ERLEC1: variants seen among roughly 807,000 people sequenced by gnomAD.
ERLEC1 encodes the protein ER lectin.
Under a neutral mutation model 68.0 loss-of-function variants are expected in ERLEC1, and 47 were observed. The observed-to-expected ratio is 0.69, with a 90% CI of 0.55 to 0.88. The LOEUF (loss-of-function observed/expected upper bound fraction) is 0.88, where lower values mean the gene tolerates loss of function less well. Ranked by LOEUF, ERLEC1 falls within the 40% of genes least tolerant of loss-of-function variation. The pLI, the probability that ERLEC1 is intolerant of heterozygous loss-of-function variation, is 0.00. For missense variants in ERLEC1, 567 were observed against 583.8 expected, an observed-to-expected ratio of 0.97 and a Z score of 0.30; for synonymous variants, 225 against 203.2, an observed-to-expected ratio of 1.11 and a Z score of -0.91.
chr2:53,794,291 A>G, intron 1 of ERLEC1, 54 bp from the exon 2 acceptor site: 1 of 715,788 alleles, frequency 1.4e-6, no homozygotes, highest in Non-Finnish European at 2.3e-6. Context: ...AAAGTTATTC[A>G]GTGTGATACA....
chr2:53,788,563 A>ATT (rs763375369), intron 1 of ERLEC1: 7 of 141,642 alleles, frequency 4.9e-5, no homozygotes, highest in African/African-American at 7.8e-5. Context: ...CTCCTGGCTA[A>ATT]TTTTTTTTTT....
chr2:53,812,128 G>A (rs908880376), intron 10 of ERLEC1, among the ~76,000 whole-genome samples: 43 of 152,014 alleles, frequency 2.8e-4, no homozygotes, highest in African/African-American at 9.9e-4. Context: ...TGGTCAGGCC[G>A]GTCTCGAACT....
At chr2:53,795,324 A>G (rs1364495991) in intron 2 of ERLEC1, among the ~76,000 whole-genome samples, 1 of 152,206 alleles carries the variant, frequency 6.6e-6, no homozygotes, top group Non-Finnish European at 1.5e-5. Flanking sequence ...TCCACTCAAT[A>G]AATTTATTAA....
intron 4 of ERLEC1, 47 bp downstream of exon 4, chr2:53,797,639 A>G: frequency 6.4e-7 from 1 of 1,573,244 alleles, no homozygotes; most frequent in African/African-American, 1.4e-5. Flanking sequence ...TAAGATGAGA[A>G]CTTTAATAAT....
intron 6 of ERLEC1, among the ~76,000 whole-genome samples, chr2:53,799,789 C>G (rs532167889): frequency 2.6e-4 from 40 of 152,084 alleles, no homozygotes; most frequent in African/African-American, 8.7e-4. Flanking sequence ...ATGCCTATAA[C>G]TTTAAAGGGT....
At chr2:53,801,178 T>C (rs1287934670) in intron 6 of ERLEC1, among the ~76,000 whole-genome samples, 1 of 152,218 alleles carries the variant, frequency 6.6e-6, no homozygotes, top group Admixed American at 6.5e-5. Flanking sequence ...AAATAATCTT[T>C]TTGCTGTATT....
At chr2:53,796,110 GT>G (rs72502136) in intron 3 of ERLEC1, 97 bp downstream of exon 3, 273,161 of 627,986 alleles carry the variant, frequency 0.43, 46,594 homozygotes, top group African/African-American at 0.54. Flanking sequence ...GTTGTGTCAG[GT>G]TTTTTTTTTT....
intron 10 of ERLEC1, among the ~76,000 whole-genome samples, chr2:53,809,590 A>G (rs1195411388): frequency 2.0e-5 from 3 of 152,174 alleles, no homozygotes; most frequent in African/African-American, 7.2e-5. Flanking sequence ...TCCTTAAATT[A>G]AGAAAATGAA....
At chr2:53,790,026 A>AG (rs1675301931) in intron 1 of ERLEC1, among the ~76,000 whole-genome samples, 1 of 151,406 alleles carries the variant, frequency 6.6e-6, no homozygotes, top group Admixed American at 6.6e-5. Flanking sequence ...AAAAAAAAAA[A>AG]AAAAAGAAAA....
intron 1 of ERLEC1, among the ~76,000 whole-genome samples, chr2:53,790,078 T>G (rs1240731467): frequency 6.6e-6 from 1 of 151,976 alleles, no homozygotes; most frequent in East Asian, 1.9e-4. Context: ...CTGCCATTTT[T>G]TTTAATGGGC....
At chr2:53,811,450 C>T (rs1676586679) in intron 10 of ERLEC1, among the ~76,000 whole-genome samples, 2 of 152,268 alleles carry the variant, frequency 1.3e-5, no homozygotes, top group South Asian at 2.1e-4. Flanking sequence ...TATACACTTG[C>T]CAACACTAGG....
At chr2:53,802,407 A>T (rs1676055341) in intron 8 of ERLEC1, among the ~76,000 whole-genome samples, 1 of 152,022 alleles carries the variant, frequency 6.6e-6, no homozygotes, top group African/African-American at 2.4e-5. Context: ...CTCTTCATTT[A>T]TCTCTAACTC....
chr2:53,812,861 C>G (rs529979144), intron 10 of ERLEC1, 88 bp from the exon 11 acceptor site: 4 of 1,391,930 alleles, frequency 2.9e-6, no homozygotes, highest in South Asian at 2.7e-5. Flanking sequence ...CAGATAAAGA[C>G]TAGCTTACAA....
chr2:53,787,123 C>G lies in ERLEC1; in HGVS notation c.-88C>G. 952 of 935,724 alleles carry G rather than the reference C, an allele frequency of 1.0e-3. No homozygotes were observed. The highest frequency in any genetic ancestry group is 1.8e-3 in the Middle Eastern group (4 of 2,260). 58.0% of individuals were successfully genotyped at this position (935,724 alleles called of 1,614,324 possible). A position where few individuals can be genotyped will look rare whatever the true frequency, so the allele number is the denominator to read the frequency against. On this transcript the variant is annotated 5_prime_UTR_variant, in exon 1 of 14. Coordinates refer to ENST00000185150, the MANE Select transcript of ERLEC1 (RefSeq NM_015701.5). ...GATACCCGGGCGCTTTATAGTCCCG[C>G]CGCCTCCTCCTCCACCTCCTCCTCC...
At chr2:53,799,001 A>T (rs1196295781) in intron 5 of ERLEC1, 46 bp from the exon 6 acceptor site, 1 of 1,580,616 alleles carries the variant, frequency 6.3e-7, no homozygotes, top group Non-Finnish European at 8.7e-7. Flanking sequence ...CATTTGTACC[A>T]CATATGTCAC....
At chr2:53,793,713 A>G (rs894289856) in intron 1 of ERLEC1, among the ~76,000 whole-genome samples, 3 of 151,896 alleles carry the variant, frequency 2.0e-5, no homozygotes, top group Admixed American at 6.6e-5. Flanking sequence ...TCCCAAGTAT[A>G]ATCACTATTT....
intron 8 of ERLEC1, among the ~76,000 whole-genome samples, chr2:53,804,334 C>A (rs915814723): frequency 6.6e-6 from 1 of 152,012 alleles, no homozygotes; most frequent in African/African-American, 2.4e-5. Flanking sequence ...CTCACTGTGG[C>A]GCAATCTTGG....
chr2:53,801,462 A>T lies in ERLEC1; in HGVS notation c.591A>T (p.Thr197=), dbSNP rs1259893319. ...ATCCTGTGGGAATGGGAAATGGTAC[A>T]CCTTGTAGTTTGAAACAGAACCGGC... The part of the protein sequence containing the change: ...PYYPVGMGNG[T]PCSLKQNRPR... Residue 197 remains threonine (T), a synonymous_variant, in exon 7 of 14, where the codon ACA becomes ACT. Transcript: ENST00000185150. 1 of 1,614,044 alleles carries T rather than the reference A, an allele frequency of 6.2e-7. No homozygotes were observed. The highest frequency in any genetic ancestry group is 8.5e-7 in the Non-Finnish European group (1 of 1,179,964).
At chr2:53,802,008 C>G (rs1676031659) in intron 8 of ERLEC1, among the ~76,000 whole-genome samples, 166 bp downstream of exon 8, 1 of 152,094 alleles carries the variant, frequency 6.6e-6, no homozygotes, top group African/African-American at 2.4e-5. Flanking sequence ...TTTCCTTATT[C>G]TAGTACTACT....
Sources: gnomAD v4.1 joint callset for allele counts (sites outside exome capture counted in the v4.1 genomes callset) on GRCh38, gnomAD v4.1.1 for gene constraint, MANE v1.5 for transcripts, NCBI Gene and HGNC (gene_info 2026-07-23, HGNC 2026-07-21) for gene names.